The following STK33 variants were observed in gnomAD, a reference collection of about 807,000 sequenced individuals.
The protein encoded by STK33 is serine/threonine kinase 33, also known as serine/threonine-protein kinase 33.
Under a neutral mutation model 58.0 loss-of-function variants are expected in STK33, and 52 were observed. The observed-to-expected ratio is 0.90, with a 90% CI of 0.72 to 1.13. The LOEUF (loss-of-function observed/expected upper bound fraction) is 1.13. STK33 is among the 50% of genes most tolerant of loss of function. The probability of loss-of-function intolerance (pLI) is 0.00; values close to 1 mark genes in which losing one functional copy is unlikely to be tolerated. For synonymous variants in STK33, 215 were observed against 200.1 expected (o/e 1.07, Z -0.63); for missense variants, 630 against 604.2 (o/e 1.04, Z -0.45).
At chr11:8,415,807 T>C (rs1941038116) in intron 14 of STK33, among the ~76,000 whole-genome samples, 1 of 152,146 alleles carries the variant, frequency 6.6e-6, no homozygotes, top group African/African-American at 2.4e-5. Flanking sequence ...TGACAGCTCA[T>C]TTATTTAGGC....
intron 1 of STK33, among the ~76,000 whole-genome samples, chr11:8,496,886 T>G (rs1951101631): frequency 6.6e-6 from 1 of 152,164 alleles, no homozygotes; most frequent in Non-Finnish European, 1.5e-5. Context: ...TATTTCATTT[T>G]TTTTATGTTA....
In STK33 at chr11:8,449,939, T is replaced by C. The variant is rs150626388; in HGVS notation, c.871+2883A>G. ...AGAGGATGTGGAGAAATAGGAATGC[T>C]TTTACACCGTTGGTGGGAGTGCAAA... On this transcript the variant is annotated intron_variant, in intron 11 of 15. Coordinates refer to ENST00000687296, the MANE Select transcript of STK33 (RefSeq NM_001352389.2). 1.8e-3 allele frequency among the ~76,000 whole-genome samples: 280 copies of C among 152,246 alleles called. 6 individuals carry two copies. In the East Asian group the frequency reaches 0.048, roughly 26 times the overall value.
intron 14 of STK33, among the ~76,000 whole-genome samples, chr11:8,429,235 T>C (rs752204355): frequency 3.3e-5 from 5 of 152,246 alleles, no homozygotes; most frequent in African/African-American, 4.8e-5. Flanking sequence ...TGATAAATTA[T>C]ACCCCTTGCA....
At chr11:8,480,734 T>C (rs1357720822) in intron 1 of STK33, 120 bp from the exon 2 acceptor site, 2 of 152,196 alleles carry the variant, frequency 1.3e-5, no homozygotes, top group African/African-American at 2.4e-5. Flanking sequence ...GGCCCACATG[T>C]AGCTAAGGCA....
At chr11:8,569,521 AAC>A (rs1421059897) in intron 1 of STK33, among the ~76,000 whole-genome samples, 1 of 152,268 alleles carries the variant, frequency 6.6e-6, no homozygotes, top group African/African-American at 2.4e-5. Context: ...TCTAGAAGAA[AAC>A]ACAGAATGTT....
At chr11:8,504,566 A>T (rs1194387105) in intron 1 of STK33, among the ~76,000 whole-genome samples, 1 of 152,136 alleles carries the variant, frequency 6.6e-6, no homozygotes, top group East Asian at 1.9e-4. Flanking sequence ...AGGTGGGAGG[A>T]TCACTTGAGG....
At chr11:8,342,441 T>C in the STK33 span, among the ~76,000 whole-genome samples, 1 of 152,218 alleles carries the variant, frequency 6.6e-6, no homozygotes. Flanking sequence ...AGAGGAACCA[T>C]CATTTTGTGA....
At chr11:8,350,834 C>T in the STK33 span, among the ~76,000 whole-genome samples, 1 of 152,176 alleles carries the variant, frequency 6.6e-6, no homozygotes, top group Admixed American at 6.5e-5. Flanking sequence ...ACATGCTGTC[C>T]ACCCTGTAGC....
chr11:8,356,598 G>C, the STK33 span, among the ~76,000 whole-genome samples: 1 of 152,142 alleles, frequency 6.6e-6, no homozygotes, highest in Admixed American at 6.5e-5. Flanking sequence ...GGGCACCCAG[G>C]AAGAAGCAGT....
chr11:8,568,279 C>A (rs1042790370), intron 1 of STK33, among the ~76,000 whole-genome samples: 5 of 152,280 alleles, frequency 3.3e-5, no homozygotes, highest in Admixed American at 1.3e-4. Flanking sequence ...TCAATGTAAA[C>A]ATGAACTCAT....
At chr11:8,441,466 C>T (rs139822879) in intron 11 of STK33, among the ~76,000 whole-genome samples, 71 of 152,144 alleles carry the variant, frequency 4.7e-4, no homozygotes, top group African/African-American at 1.3e-3. Context: ...ATCATCCCAC[C>T]GCAGCTTCCT....
At chr11:8,422,523 A>C (rs1471940340) in intron 14 of STK33, among the ~76,000 whole-genome samples, 1 of 152,148 alleles carries the variant, frequency 6.6e-6, no homozygotes, top group Non-Finnish European at 1.5e-5. Context: ...GAAGAGTTAT[A>C]AGTTTAAGAT....
intron 5 of STK33, 53 bp from the exon 6 acceptor site, chr11:8,473,329 T>C: frequency 9.2e-7 from 1 of 1,090,272 alleles, no homozygotes. Context: ...TAATATTCTT[T>C]GTTGACAAAG....
intron 1 of STK33, among the ~76,000 whole-genome samples, chr11:8,553,714 T>C (rs1204345001): frequency 6.6e-6 from 1 of 152,174 alleles, no homozygotes; most frequent in African/African-American, 2.4e-5. Context: ...ATGGACACCC[T>C]CTTTAATAAA....
rs34999243 is a variant in STK33 at position 8,534,568 on chromosome 11, C to CTG, written c.-465-53956_-465-53955dup. Among the ~76,000 whole-genome samples, 1,012 of 104,670 alleles carry CTG rather than the reference C, an allele frequency of 9.7e-3. 10 individuals carry two copies. The highest frequency in any genetic ancestry group is 0.031 in the Middle Eastern group (6 of 194). The allele number at this position is 104,670 out of a possible 152,430, so 68.7% of individuals were successfully genotyped here. A position where few individuals can be genotyped will look rare whatever the true frequency, so the allele number is the denominator to read the frequency against. On this transcript the variant is annotated intron_variant, in intron 1 of 15. Coordinates refer to ENST00000687296, the MANE Select transcript of STK33 (RefSeq NM_001352389.2). ...TCTCTCTCTCTCTCTCTCTCTCTCT[C>CTG]TGTGTGTGTGTGTGTGTGTGTGTGT...
At chr11:8,522,445 TG>T (rs1305363495) in intron 1 of STK33, among the ~76,000 whole-genome samples, 2 of 147,962 alleles carry the variant, frequency 1.4e-5, no homozygotes, top group African/African-American at 5.0e-5. Context: ...GGACACAGGG[TG>T]GGGAACATCA....
At chr11:8,547,748 G>C (rs947041775) in intron 1 of STK33, among the ~76,000 whole-genome samples, 15 of 151,888 alleles carry the variant, frequency 9.9e-5, no homozygotes, top group Admixed American at 8.5e-4. Context: ...GTCTATTTTC[G>C]CTTTTGTTGC....
At chr11:8,388,529 G>A (rs1848575437), downstream of STK33, among the ~76,000 whole-genome samples, 1 of 152,260 alleles carries the variant, frequency 6.6e-6, no homozygotes, top group African/African-American at 2.4e-5. Flanking sequence ...ACTGAACGAT[G>A]TGAGACCTTT....
At chr11:8,529,118 T>C (rs544365802) in intron 1 of STK33, among the ~76,000 whole-genome samples, 1 of 152,360 alleles carries the variant, frequency 6.6e-6, no homozygotes, top group South Asian at 2.1e-4. Flanking sequence ...CGTCTTGTTC[T>C]TAACCATTAA....
Sources: allele counts gnomAD v4.1 joint callset (sites outside exome capture counted in the v4.1 genomes callset), GRCh38; gene constraint gnomAD v4.1.1; transcripts MANE v1.5; gene names NCBI Gene and HGNC (gene_info 2026-07-23, HGNC 2026-07-21).